The following TNFSF4 variants were observed in gnomAD, a reference collection of about 807,000 sequenced individuals.
TNFSF4 encodes tumor necrosis factor ligand superfamily member 4.
Under a neutral mutation model 7.3 loss-of-function variants are expected in TNFSF4, and 4 were observed. The observed-to-expected ratio is 0.55, with a 90% CI of 0.27 to 1.25. The LOEUF is 1.25. Ranked by LOEUF, TNFSF4 falls within the 50% of genes most tolerant of loss-of-function variation. The pLI is 0.12. For missense variants in TNFSF4, 181 were observed against 208.8 expected, an observed-to-expected ratio of 0.87 and a Z score of 0.82; for synonymous variants, 76 against 83.7, an observed-to-expected ratio of 0.91 and a Z score of 0.50.
At chr1:173,270,746 A>G in the TNFSF4 span, among the ~76,000 whole-genome samples, 1 of 152,132 alleles carries the variant, frequency 6.6e-6, no homozygotes, top group Non-Finnish European at 1.5e-5. Flanking sequence ...AGCAAAAACT[A>G]TTAGAAATAC....
chr1:173,380,087 C>T, the TNFSF4 span, among the ~76,000 whole-genome samples: 6 of 152,308 alleles, frequency 3.9e-5, no homozygotes, highest in Non-Finnish European at 7.3e-5. Context: ...GTGTTAATCT[C>T]CTGTCCCAGA....
chr1:173,303,867 T>C, the TNFSF4 span, among the ~76,000 whole-genome samples: 7 of 152,048 alleles, frequency 4.6e-5, no homozygotes, highest in South Asian at 1.4e-3. Context: ...TCCAGGTCAA[T>C]AATATATAAG....
chr1:173,196,998 A>G (rs2101992277), intron 1 of TNFSF4, among the ~76,000 whole-genome samples: 1 of 152,320 alleles, frequency 6.6e-6, no homozygotes, highest in East Asian at 1.9e-4. Context: ...AATGGCACTT[A>G]GTAAATAAAT....
At chr1:173,288,481 A>G in the TNFSF4 span, among the ~76,000 whole-genome samples, 1,805 of 152,256 alleles carry the variant, frequency 0.012, 30 homozygotes, top group African/African-American at 0.041. Flanking sequence ...GAAAATTAGC[A>G]AAGATATAAA....
chr1:173,370,403 G>T, the TNFSF4 span, among the ~76,000 whole-genome samples: 1 of 152,148 alleles, frequency 6.6e-6, no homozygotes, highest in African/African-American at 2.4e-5. Flanking sequence ...CTGGGACCTA[G>T]ACTCATATCA....
chr1:173,407,792 C>A, the TNFSF4 span, among the ~76,000 whole-genome samples: 2 of 151,678 alleles, frequency 1.3e-5, no homozygotes, highest in Non-Finnish European at 2.9e-5. Context: ...ACACAGCTAT[C>A]ATCCATATTT....
At chr1:173,446,415 C>T in the TNFSF4 span, among the ~76,000 whole-genome samples, 2 of 152,110 alleles carry the variant, frequency 1.3e-5, no homozygotes, top group Non-Finnish European at 2.9e-5. Context: ...TTCATAACTG[C>T]CAAAACCTTG....
At chr1:173,188,433 A>G (rs907785737) in intron 2 of TNFSF4, 88 bp downstream of exon 2, 48 of 1,043,190 alleles carry the variant, frequency 4.6e-5, no homozygotes, top group Admixed American at 1.2e-4. Context: ...TAGGAAAAGA[A>G]GAGATCTTGT....
At chr1:173,390,636 T>C in the TNFSF4 span, among the ~76,000 whole-genome samples, 1 of 151,980 alleles carries the variant, frequency 6.6e-6, no homozygotes, top group Non-Finnish European at 1.5e-5. Flanking sequence ...TTTCCTCTTC[T>C]CAAACCTAAA....
the TNFSF4 span, among the ~76,000 whole-genome samples, chr1:173,217,963 G>A: frequency 6.6e-6 from 1 of 152,208 alleles, no homozygotes; most frequent in South Asian, 2.1e-4. Context: ...TGCCCAGGCT[G>A]ATCTTGAACT....
At chr1:173,429,394 T>G in the TNFSF4 span, among the ~76,000 whole-genome samples, 1 of 152,160 alleles carries the variant, frequency 6.6e-6, no homozygotes, top group Admixed American at 6.5e-5. Context: ...CCAGAATTCT[T>G]GTAGCATCTG....
At chr1:173,390,471 C>T in the TNFSF4 span, among the ~76,000 whole-genome samples, 2 of 152,128 alleles carry the variant, frequency 1.3e-5, no homozygotes, top group African/African-American at 4.8e-5. Context: ...GAAAAGAATA[C>T]TTGTTGTACT....
chr1:173,390,749 TC>T, the TNFSF4 span, among the ~76,000 whole-genome samples: 2 of 19,754 alleles, frequency 1.0e-4, no homozygotes, highest in African/African-American at 1.4e-4. Context: ...TTTTTTTTTT[TC>T]TTTTTTTTTT....
the TNFSF4 span, among the ~76,000 whole-genome samples, chr1:173,358,291 T>C: frequency 2.0e-5 from 3 of 152,190 alleles, no homozygotes; most frequent in Non-Finnish European, 2.9e-5. Context: ...TGCTTTCTTA[T>C]TTTTTTGATC....
chr1:173,235,649 A>G, the TNFSF4 span, among the ~76,000 whole-genome samples: 1 of 152,222 alleles, frequency 6.6e-6, no homozygotes, highest in African/African-American at 2.4e-5. Flanking sequence ...AGATAAGCTC[A>G]ATGTGCACAA....
At chr1:173,202,887 C>T (rs1650006481) in intron 1 of TNFSF4, among the ~76,000 whole-genome samples, 1 of 152,128 alleles carries the variant, frequency 6.6e-6, no homozygotes, top group Non-Finnish European at 1.5e-5. Flanking sequence ...TTATCCTCCT[C>T]CTTCTAGTAT....
the TNFSF4 span, among the ~76,000 whole-genome samples, chr1:173,279,484 A>T: frequency 1.3e-5 from 2 of 152,024 alleles, no homozygotes; most frequent in Admixed American, 6.6e-5. Flanking sequence ...TCTCTCCCAA[A>T]CTGCAGCTTC....
chr1:173,415,802 CT>C, the TNFSF4 span, among the ~76,000 whole-genome samples: 1 of 152,056 alleles, frequency 6.6e-6, no homozygotes, highest in African/African-American at 2.4e-5. Flanking sequence ...TGCAAATGCT[CT>C]TTCTAACTGG....
At chr1:173,313,414 C>G in the TNFSF4 span, among the ~76,000 whole-genome samples, 2 of 152,078 alleles carry the variant, frequency 1.3e-5, no homozygotes, top group Admixed American at 6.6e-5. Flanking sequence ...GCTGTGTCTA[C>G]TTCGCTTGAG....
Sources: allele counts gnomAD v4.1 joint callset (sites outside exome capture counted in the v4.1 genomes callset), GRCh38; gene constraint gnomAD v4.1.1; transcripts MANE v1.5; gene names NCBI Gene and HGNC (gene_info 2026-07-23, HGNC 2026-07-21).